Variants in CLCN3 observed in about 807,000 individuals in gnomAD.
CLCN3 encodes the protein H(+)/Cl(-) exchange transporter 3.
CLCN3 carries 16 observed loss-of-function variants against 83.4 expected under a neutral mutation model. The observed-to-expected ratio is 0.19, with a 90% CI of 0.13 to 0.29. The LOEUF (loss-of-function observed/expected upper bound fraction) is 0.29, where lower values mean the gene tolerates loss of function less well. Ranked by LOEUF, CLCN3 falls within the 10% of genes least tolerant of loss-of-function variation. The pLI, the probability that CLCN3 is intolerant of heterozygous loss-of-function variation, is 1.00. For missense variants in CLCN3, 544 were observed against 1,006.0 expected, an observed-to-expected ratio of 0.54 and a Z score of 6.21; for synonymous variants, 322 against 346.2, an observed-to-expected ratio of 0.93 and a Z score of 0.78.
chr4:169,676,493 T>C (rs1581236307), intron 2 of CLCN3, among the ~76,000 whole-genome samples: 1 of 149,916 alleles, frequency 6.7e-6, no homozygotes, highest in African/African-American at 2.4e-5. Flanking sequence ...TTTTTTACAC[T>C]CTAAACTCTT....
chr4:169,624,127 A>G (rs969619866), intron 1 of CLCN3, among the ~76,000 whole-genome samples: 2 of 152,056 alleles, frequency 1.3e-5, no homozygotes, highest in African/African-American at 4.8e-5. Flanking sequence ...ACTAATTCCT[A>G]TGGTATAGTA....
intron 2 of CLCN3, among the ~76,000 whole-genome samples, chr4:169,672,957 C>T (rs1221147439): frequency 6.6e-6 from 1 of 152,112 alleles, no homozygotes; most frequent in East Asian, 1.9e-4. Flanking sequence ...GCCACCGCGC[C>T]CGGCTGTAAG....
At chr4:169,703,973 A>G in intron 9 of CLCN3, 25 bp from the exon 10 acceptor site, 2 of 1,611,172 alleles carry the variant, frequency 1.2e-6, no homozygotes, top group Non-Finnish European at 1.7e-6. Context: ...TCTCTGCTCC[A>G]TAAAGAGTTC....
chr4:169,643,607 A>G (rs1581199628), intron 2 of CLCN3, among the ~76,000 whole-genome samples: 1 of 151,476 alleles, frequency 6.6e-6, no homozygotes, highest in Non-Finnish European at 1.5e-5. Flanking sequence ...ATCACAGCTC[A>G]CTGCAGCCTC....
intron 2 of CLCN3, among the ~76,000 whole-genome samples, chr4:169,659,701 A>G (rs1167658048): frequency 6.6e-6 from 1 of 152,128 alleles, no homozygotes; most frequent in Non-Finnish European, 1.5e-5. Context: ...CCTCAATGAA[A>G]GGCTGCTGTA....
At chr4:169,674,987 C>T (rs1438788444) in intron 2 of CLCN3, among the ~76,000 whole-genome samples, 1 of 152,206 alleles carries the variant, frequency 6.6e-6, no homozygotes, top group South Asian at 2.1e-4. Flanking sequence ...ATCTATCCGT[C>T]CTCCTCAGCC....
chr4:169,645,540 A>G (rs921932507), intron 2 of CLCN3, among the ~76,000 whole-genome samples: 2 of 152,238 alleles, frequency 1.3e-5, no homozygotes, highest in Non-Finnish European at 2.9e-5. Flanking sequence ...ATATTTGTAT[A>G]TAGGATAGAA....
chr4:169,637,617 T>G (rs1055045875), intron 2 of CLCN3, among the ~76,000 whole-genome samples: 1 of 150,352 alleles, frequency 6.7e-6, no homozygotes, highest in Non-Finnish European at 1.5e-5. Context: ...ACAAAAACTT[T>G]TTCTTTTCCT....
At chr4:169,626,829 A>G (rs1773247470) in intron 1 of CLCN3, among the ~76,000 whole-genome samples, 1 of 152,184 alleles carries the variant, frequency 6.6e-6, no homozygotes, top group Admixed American at 6.5e-5. Flanking sequence ...ATAAAATTAA[A>G]TTTAATATTA....
intron 1 of CLCN3, among the ~76,000 whole-genome samples, chr4:169,623,860 G>A (rs565472781): frequency 1.3e-5 from 2 of 152,070 alleles, no homozygotes; most frequent in South Asian, 4.1e-4. Context: ...TCCTTTTAAA[G>A]GCTGTATGGT....
intron 1 of CLCN3, among the ~76,000 whole-genome samples, chr4:169,634,825 T>C (rs916225382): frequency 1.3e-5 from 2 of 152,184 alleles, no homozygotes; most frequent in African/African-American, 4.8e-5. Context: ...AGAGGCATGC[T>C]CTCAAGGAGC....
chr4:169,689,162 A>G lies in CLCN3; in HGVS notation c.538A>G (p.Thr180Ala). The G allele has an allele frequency of 6.2e-7, 1 of 1,613,972 alleles. No individual in the cohort carries two copies. Among genetic ancestry groups the G allele is most frequent in the Non-Finnish European group, 8.5e-7 (1 of 1,179,938 alleles). Residue 180 changes from threonine (T) to alanine (A), a missense_variant, in exon 5 of 13, where the codon ACA becomes GCA. Transcript: ENST00000513761. ...GTGCTGTTGGGGATCTAATGAAACA[A>G]CATTTGAAGAGAGGGATAAATGTCC... ...EQCCWGSNET[T>A]FEERDKCPQW...
At chr4:169,657,348 G>T (rs1730917129) in intron 2 of CLCN3, among the ~76,000 whole-genome samples, 3 of 151,812 alleles carry the variant, frequency 2.0e-5, no homozygotes, top group African/African-American at 7.3e-5. Flanking sequence ...TTACTAAATT[G>T]TATTTGTTGA....
rs535971667 is a variant in CLCN3 at position 169,646,313 on chromosome 4, A to T, written c.160+10225A>T. Among the ~76,000 whole-genome samples the T allele has an allele frequency of 7.2e-5, 11 of 152,042 alleles. 1 individual carries two copies. The highest frequency in any genetic ancestry group is 2.4e-4 in the African/African-American group (10 of 41,470). On this transcript the variant is annotated intron_variant, in intron 2 of 12. Coordinates refer to ENST00000513761, the MANE Select transcript of CLCN3 (RefSeq NM_001829.4). ...ATTATTATTTTTGAGACAGAGTCTC[A>T]CTCTGTCATTCAGGCTAGAGTGCCC...
chr4:169,654,261 C>G (rs1441213065), intron 2 of CLCN3, among the ~76,000 whole-genome samples: 1 of 151,938 alleles, frequency 6.6e-6, no homozygotes, highest in Admixed American at 6.6e-5. Context: ...CCTTCTTCCT[C>G]TCTCTTGTTC....
chr4:169,705,551 GC>G (rs1732957233), intron 10 of CLCN3, among the ~76,000 whole-genome samples: 1 of 152,166 alleles, frequency 6.6e-6, no homozygotes, highest in Admixed American at 6.5e-5. Context: ...GAGATAAAAT[GC>G]ATGCAAAACT....
At chr4:169,703,755 G>A (rs1488612608) in intron 9 of CLCN3, among the ~76,000 whole-genome samples, 1 of 151,064 alleles carries the variant, frequency 6.6e-6, no homozygotes, top group African/African-American at 2.4e-5. Flanking sequence ...GCTACCTTGA[G>A]CTAAAGGAAA....
At chr4:169,642,242 T>C (rs1730435451) in intron 2 of CLCN3, among the ~76,000 whole-genome samples, 1 of 152,084 alleles carries the variant, frequency 6.6e-6, no homozygotes, top group Admixed American at 6.5e-5. Flanking sequence ...TTTACCAGTA[T>C]ACTTCTTGAG....
chr4:169,699,742 C>T (rs746944380), intron 9 of CLCN3, among the ~76,000 whole-genome samples: 1 of 151,938 alleles, frequency 6.6e-6, no homozygotes, highest in African/African-American at 2.4e-5. Context: ...ATTAGCCAGG[C>T]GTGGTGGCAG....
Sources: gnomAD v4.1 joint callset for allele counts (sites outside exome capture counted in the v4.1 genomes callset) on GRCh38, gnomAD v4.1.1 for gene constraint, MANE v1.5 for transcripts, NCBI Gene and HGNC (gene_info 2026-07-23, HGNC 2026-07-21) for gene names.